The following PGCKA1 variants were observed in gnomAD, a reference collection of about 807,000 sequenced individuals.
PGCKA1 encodes the protein PDCD10 and GCKIII kinases-associated protein 1.
the PGCKA1 span, chr4:37,588,059 T>C: frequency 6.6e-6 from 1 of 152,236 alleles, no homozygotes; most frequent in African/African-American, 2.4e-5. Context: ...TAGGATGTTC[T>C]GAGGAAGGAA....
chr4:37,572,834 A>G, the PGCKA1 span, among the ~76,000 whole-genome samples: 4 of 152,210 alleles, frequency 2.6e-5, no homozygotes, highest in Non-Finnish European at 2.9e-5. Context: ...CATGAAGTCA[A>G]GTGTGGTATC....
chr4:37,542,489 A>G, the PGCKA1 span, among the ~76,000 whole-genome samples: 8 of 152,338 alleles, frequency 5.3e-5, no homozygotes, highest in African/African-American at 1.9e-4. Context: ...CGGGTGTTTA[A>G]TGTTGTACTT....
chr4:37,504,730 G>A, the PGCKA1 span, among the ~76,000 whole-genome samples: 372 of 152,118 alleles, frequency 2.4e-3, 10 homozygotes, highest in Admixed American at 0.019. Flanking sequence ...ATTGTTCACC[G>A]TTGGCACACA....
the PGCKA1 span, among the ~76,000 whole-genome samples, chr4:37,462,154 TCCA>T: frequency 2.0e-5 from 3 of 152,260 alleles, no homozygotes; most frequent in Admixed American, 1.3e-4. Context: ...AATCTGTATG[TCCA>T]TGTAAATAGT....
At chr4:37,525,407 G>T in the PGCKA1 span, among the ~76,000 whole-genome samples, 1 of 151,732 alleles carries the variant, frequency 6.6e-6, no homozygotes, top group Admixed American at 6.6e-5. Context: ...GGAAGCATGA[G>T]GTGGGTGAGA....
At chr4:37,570,429 CAAAAAAA>C in the PGCKA1 span, among the ~76,000 whole-genome samples, 10 of 117,576 alleles carry the variant, frequency 8.5e-5, no homozygotes, top group African/African-American at 1.9e-4. Context: ...ATGTTTCTGC[CAAAAAAA>C]AAAAAAAAAA....
At chr4:37,524,173 A>G in the PGCKA1 span, among the ~76,000 whole-genome samples, 2 of 152,268 alleles carry the variant, frequency 1.3e-5, no homozygotes, top group Admixed American at 1.3e-4. Context: ...AAGGAACTGC[A>G]TTCTCAGTGT....
chr4:37,556,525 C>G, the PGCKA1 span, among the ~76,000 whole-genome samples: 9 of 152,120 alleles, frequency 5.9e-5, no homozygotes, highest in Non-Finnish European at 1.0e-4. Context: ...TGTCTCAGCC[C>G]CGCTGAGTGC....
chr4:37,572,922 CT>C, the PGCKA1 span, among the ~76,000 whole-genome samples: 1 of 152,178 alleles, frequency 6.6e-6, no homozygotes, highest in Non-Finnish European at 1.5e-5. Context: ...TCAACTTTTA[CT>C]TTACTGTGTA....
At chr4:37,531,167 G>A in the PGCKA1 span, among the ~76,000 whole-genome samples, 13 of 152,252 alleles carry the variant, frequency 8.5e-5, no homozygotes, top group South Asian at 2.1e-4. Flanking sequence ...CTTTATATGC[G>A]TTGTCTGTAA....
At chr4:37,586,807 G>A in the PGCKA1 span, among the ~76,000 whole-genome samples, 3 of 152,174 alleles carry the variant, frequency 2.0e-5, no homozygotes, top group Non-Finnish European at 4.4e-5. Context: ...CTACTGGGGA[G>A]GCTGAGGCAG....
At chr4:37,516,450 G>T in the PGCKA1 span, among the ~76,000 whole-genome samples, 12 of 152,184 alleles carry the variant, frequency 7.9e-5, no homozygotes, top group Non-Finnish European at 1.5e-4. Context: ...CACATACACT[G>T]CTATAATATT....
the PGCKA1 span, among the ~76,000 whole-genome samples, chr4:37,479,341 AC>A: frequency 6.6e-6 from 1 of 152,128 alleles, no homozygotes; most frequent in Non-Finnish European, 1.5e-5. Context: ...AGGACCCAAA[AC>A]CTTTTTTCTT....
chr4:37,547,319 C>T, the PGCKA1 span, among the ~76,000 whole-genome samples: 1 of 152,140 alleles, frequency 6.6e-6, no homozygotes, highest in Non-Finnish European at 1.5e-5. Flanking sequence ...TTTCTGGATA[C>T]TCTGATTTTG....
the PGCKA1 span, among the ~76,000 whole-genome samples, chr4:37,583,921 A>C: frequency 6.6e-6 from 1 of 152,186 alleles, no homozygotes; most frequent in South Asian, 2.1e-4. Flanking sequence ...TCTTACCTTT[A>C]AGCTAGCTGT....
chr4:37,571,355 C>CATTTTTT, the PGCKA1 span, among the ~76,000 whole-genome samples: 6 of 78,036 alleles, frequency 7.7e-5, 1 homozygote, highest in Admixed American at 1.8e-4. Context: ...GACTATTATC[C>CATTTTTT]TTTTTTTTTT....
At chr4:37,581,717 C>T in the PGCKA1 span, among the ~76,000 whole-genome samples, 3 of 152,140 alleles carry the variant, frequency 2.0e-5, no homozygotes, top group Admixed American at 1.3e-4. The surrounding 1 kb of genome is among the most constrained non-coding windows in gnomAD (Gnocchi z 4.4). Flanking sequence ...TTTTGGGACA[C>T]GTGACACAGG....
the PGCKA1 span, among the ~76,000 whole-genome samples, chr4:37,508,455 C>CT: frequency 6.6e-6 from 1 of 152,126 alleles, no homozygotes; most frequent in East Asian, 1.9e-4. Context: ...TTCAAGCTCA[C>CT]TAATTCTTTC....
chr4:37,502,316 A>T, the PGCKA1 span, among the ~76,000 whole-genome samples: 1 of 152,216 alleles, frequency 6.6e-6, no homozygotes, highest in African/African-American at 2.4e-5. Flanking sequence ...CAGCAGTGGC[A>T]GAGGCAGCAT....
Sources: gnomAD v4.1 joint callset for allele counts (sites outside exome capture counted in the v4.1 genomes callset) on GRCh38, gnomAD v4.1.1 for gene constraint, Gnocchi (gnomAD v3.1) non-coding constraint, MANE v1.5 for transcripts, NCBI Gene and HGNC (gene_info 2026-07-23, HGNC 2026-07-21) for gene names.